Variants in MOSPD2 observed in about 807,000 individuals in gnomAD.
MOSPD2 encodes the protein motile sperm domain containing 2.
MOSPD2 carries 5 observed loss-of-function variants against 41.7 expected under a neutral mutation model. The ratio of observed to expected loss-of-function variants is 0.12; its 90% CI spans 0.06 to 0.25. The LOEUF (loss-of-function observed/expected upper bound fraction) is 0.25, where lower values mean the gene tolerates loss of function less well. Among genes scored for constraint, MOSPD2 ranks in the 10% least tolerant of loss-of-function variants. MOSPD2 has a pLI of 1.00. For missense variants in MOSPD2, 282 were observed against 375.2 expected (o/e 0.75, Z 2.05); for synonymous variants, 115 against 126.9 (o/e 0.91, Z 0.63).
intron 2 of MOSPD2, among the ~76,000 whole-genome samples, chrX:14,886,845 G>C (rs1358429854): frequency 8.9e-6 from 1 of 111,961 alleles, no homozygotes; most frequent in Non-Finnish European, 1.9e-5. Context: ...TGCTGAAGTT[G>C]AAGAATCACT....
intron 10 of MOSPD2, among the ~76,000 whole-genome samples, chrX:14,913,797 T>G (rs1347658282): frequency 8.9e-6 from 1 of 112,314 alleles, no homozygotes; most frequent in East Asian, 2.8e-4. Context: ...TTCTTCCCAT[T>G]GTTTTGAGCC....
At chrX:14,908,263 C>G (rs2092585666) in intron 7 of MOSPD2, among the ~76,000 whole-genome samples, 1 of 111,434 alleles carries the variant, frequency 9.0e-6, no homozygotes, top group South Asian at 3.7e-4. Context: ...GAGTGAGACT[C>G]TGTCTCAAAA....
At chrX:14,889,448 G>C (rs1192970531) in intron 2 of MOSPD2, among the ~76,000 whole-genome samples, 1 of 110,912 alleles carries the variant, frequency 9.0e-6, no homozygotes, top group Non-Finnish European at 1.9e-5. Flanking sequence ...AGTTTATTCT[G>C]TTTCTTTCTC....
At chrX:14,910,114 G>C (rs6653574) in intron 8 of MOSPD2, among the ~76,000 whole-genome samples, 58 of 108,760 alleles carry the variant, frequency 5.3e-4, no homozygotes, top group African/African-American at 1.9e-3. Flanking sequence ...AATTATAGTA[G>C]GACTACTATT....
At chrX:14,891,943 A>T (rs1004821311) in intron 2 of MOSPD2, among the ~76,000 whole-genome samples, 4 of 111,774 alleles carry the variant, frequency 3.6e-5, no homozygotes, top group Non-Finnish European at 1.9e-5. Context: ...TTTACATATG[A>T]AATTTCTTCA....
At chrX:14,908,162 G>T (rs1022726050) in intron 7 of MOSPD2, among the ~76,000 whole-genome samples, 2 of 111,583 alleles carry the variant, frequency 1.8e-5, no homozygotes, top group Non-Finnish European at 1.9e-5. Flanking sequence ...AATAAGAAAT[G>T]ACATGACAGA....
Position 14,892,838 on chromosome X carries a change from C to T in MOSPD2, c.195C>T (p.Leu65=), listed in dbSNP as rs368008623. 1.1e-5 allele frequency: 13 copies of T among 1,205,356 alleles called. No individual in the cohort carries two copies. The highest frequency in any genetic ancestry group is 2.4e-4 in the Middle Eastern group (1 of 4,240). Residue 65 remains leucine, a synonymous_variant, in exon 3 of 15, where the codon CTC becomes CTT. Transcript: ENST00000380492. ...HNIVDETLKM[L]DESFQWRKEI... is the part of the protein sequence containing the mutation. Reference sequence around the variant, plus strand: ...TTGTAGATGAAACACTGAAGATGCTCGATGAGAGTTTTCAGTGGAGGAAAG... The same window carrying T: ...TTGTAGATGAAACACTGAAGATGCTTGATGAGAGTTTTCAGTGGAGGAAAG...
chrX:14,910,585 T>C (rs1262415524), intron 8 of MOSPD2, among the ~76,000 whole-genome samples: 1 of 111,743 alleles, frequency 8.9e-6, no homozygotes, highest in African/African-American at 3.3e-5. Flanking sequence ...TTAATATATG[T>C]GTGCAGCGAG....
chrX:14,891,436 A>G (rs752815975), intron 2 of MOSPD2, among the ~76,000 whole-genome samples: 72 of 111,352 alleles, frequency 6.5e-4, no homozygotes, highest in African/African-American at 2.2e-3. Flanking sequence ...TGTTGGCCAG[A>G]GTCTGAAAAT....
chrX:14,904,451 G>A (rs142639747), intron 7 of MOSPD2, among the ~76,000 whole-genome samples: 78 of 111,475 alleles, frequency 7.0e-4, no homozygotes, highest in Middle Eastern at 9.3e-3. Context: ...AACTAGCAAC[G>A]TAAGGTGCAA....
intron 8 of MOSPD2, among the ~76,000 whole-genome samples, chrX:14,910,001 A>G: frequency 9.0e-6 from 1 of 110,901 alleles, no homozygotes; most frequent in Non-Finnish European, 1.9e-5. Context: ...TATAATTAAT[A>G]TAATTCATAA....
intron 7 of MOSPD2, among the ~76,000 whole-genome samples, chrX:14,906,997 C>T (rs1026499711): frequency 3.0e-4 from 34 of 111,818 alleles, no homozygotes; most frequent in African/African-American, 1.1e-3. Flanking sequence ...GCTCTCCAAC[C>T]TGGGCAACAA....
chrX:14,874,568 TA>T (rs869026762), intron 2 of MOSPD2: 1 of 111,600 alleles, frequency 9.0e-6, no homozygotes, highest in Admixed American at 9.5e-5. Flanking sequence ...TTAAATTTTT[TA>T]AAAAAACATA....
intron 2 of MOSPD2, among the ~76,000 whole-genome samples, chrX:14,888,046 G>A (rs1454698366): frequency 1.8e-5 from 2 of 110,755 alleles, no homozygotes; most frequent in Non-Finnish European, 3.8e-5. Context: ...CTTCATGAAG[G>A]ATTGGCTGAA....
intron 2 of MOSPD2, among the ~76,000 whole-genome samples, chrX:14,888,761 G>T (rs1482269446): frequency 9.3e-6 from 1 of 107,344 alleles, no homozygotes; most frequent in Non-Finnish European, 1.9e-5. Flanking sequence ...AATGTCCTAG[G>T]GGTGTGTGTG....
At position 14,920,681 on chromosome X, in the gene MOSPD2, G is replaced by C. The variant is rs1190401139; in HGVS notation, c.*872G>C. 1.3e-6 allele frequency: 1 copy of C among 751,893 alleles called. No homozygotes were observed. The highest frequency in any genetic ancestry group is 1.6e-6 in the Non-Finnish European group (1 of 638,926). The allele number at this position is 751,893 out of a possible 1,213,427, so 62.0% of individuals were successfully genotyped here. ...TTCACCCCCATTCCAGAGCAGAGGA[G>C]TCTCTGTGGACCATGAATTGCACTG... is the stretch of plus-strand genomic sequence containing the variant. On this transcript the variant is annotated 3_prime_UTR_variant, in exon 15 of 15. Transcript: ENST00000380492.
In MOSPD2 at chrX:14,921,550, G is replaced by T. The variant is rs971490942; in HGVS notation, c.*1741G>T. 5.5e-5 allele frequency: 23 copies of T among 417,373 alleles called. No individual in the cohort carries two copies. The highest frequency in any genetic ancestry group is 7.0e-5 in the Non-Finnish European group (20 of 285,453). 34.4% of individuals were successfully genotyped at this position (417,373 alleles called of 1,213,427 possible). ...TTCTGTTCCTTGGCAAATAAATGAA[G>T]AAATAATTAGCCAAGATTGAAAATG... is the stretch of plus-strand genomic sequence containing the variant. On this transcript the variant is annotated 3_prime_UTR_variant, in exon 15 of 15. Coordinates refer to ENST00000380492, the MANE Select transcript of MOSPD2 (RefSeq NM_152581.4).
chrX:14,880,347 A>G (rs1382618908), intron 2 of MOSPD2, among the ~76,000 whole-genome samples: 1 of 111,579 alleles, frequency 9.0e-6, no homozygotes, highest in African/African-American at 3.3e-5. Flanking sequence ...ACTTTTTTCC[A>G]TTAATATTGA....
intron 2 of MOSPD2, among the ~76,000 whole-genome samples, chrX:14,884,326 TAA>T (rs2092537352): frequency 9.0e-6 from 1 of 111,314 alleles, no homozygotes; most frequent in African/African-American, 3.3e-5. Context: ...CAAATAATAA[TAA>T]GAGTAGAAGA....
Sources: allele counts gnomAD v4.1 joint callset (sites outside exome capture counted in the v4.1 genomes callset), GRCh38; gene constraint gnomAD v4.1.1; transcripts MANE v1.5; gene names NCBI Gene and HGNC (gene_info 2026-07-23, HGNC 2026-07-21).